The following SLC1A3 variants were observed in gnomAD, a reference collection of about 807,000 sequenced individuals.
The protein encoded by SLC1A3 is excitatory amino acid transporter 1.
Under a neutral mutation model 48.1 loss-of-function variants are expected in SLC1A3, and 21 were observed. That is an observed-to-expected ratio of 0.44 (90% CI 0.31 to 0.63). The LOEUF is 0.63. Among genes scored for constraint, SLC1A3 ranks in the 20% least tolerant of loss-of-function variants. The probability of loss-of-function intolerance (pLI) is 0.08; values close to 1 mark genes in which losing one functional copy is unlikely to be tolerated. For missense variants in SLC1A3, 546 were observed against 689.0 expected, an observed-to-expected ratio of 0.79 and a Z score of 2.32; for synonymous variants, 239 against 251.4, an observed-to-expected ratio of 0.95 and a Z score of 0.47.
chr5:36,613,064 C>G (rs2111680003), intron 2 of SLC1A3: 2 of 333,710 alleles, frequency 6.0e-6, no homozygotes, highest in African/African-American at 2.2e-5. Context: ...AGGTAGGATA[C>G]AGGAGAAAGA....
chr5:36,634,077 AC>A (rs1448619271), intron 3 of SLC1A3, among the ~76,000 whole-genome samples: 1 of 152,114 alleles, frequency 6.6e-6, no homozygotes, highest in Non-Finnish European at 1.5e-5. Flanking sequence ...CATGTTCGAG[AC>A]CAGCCTGGCC....
In SLC1A3 at chr5:36,622,307, T is replaced by G. The variant is rs189659197; in HGVS notation, c.182-7143T>G. Among the ~76,000 whole-genome samples, 14 of 152,340 alleles carry G rather than the reference T, an allele frequency of 9.2e-5. No individual in the cohort carries two copies. The East Asian group carries it at 2.7e-3, about 29-fold the overall frequency. On this transcript the variant is annotated intron_variant, in intron 2 of 9. Transcript: ENST00000265113. ...GATTTCCTTTTGACATCTGAGCTCC[T>G]TTGGGGCACTACCTCGTTTTCTGGA...
chr5:36,623,736 T>C (rs558915409), intron 2 of SLC1A3, among the ~76,000 whole-genome samples: 1 of 150,758 alleles, frequency 6.6e-6, no homozygotes, highest in South Asian at 2.1e-4. Flanking sequence ...TGGTGGCGCA[T>C]GCCTGTAATC....
intron 2 of SLC1A3, among the ~76,000 whole-genome samples, chr5:36,614,188 A>T (rs918238337): frequency 1.3e-5 from 2 of 152,246 alleles, no homozygotes; most frequent in Admixed American, 1.3e-4. Flanking sequence ...ATATCACCTT[A>T]AATGATTTCC....
chr5:36,685,995 C>T, intron 9 of SLC1A3, 70 bp from the exon 10 acceptor site: 1 of 1,279,158 alleles, frequency 7.8e-7, no homozygotes. Context: ...TGGCCAGTTC[C>T]TAACGTAAGT....
intron 3 of SLC1A3, among the ~76,000 whole-genome samples, chr5:36,642,780 TTA>T (rs1482851174): frequency 6.6e-6 from 1 of 152,206 alleles, no homozygotes; most frequent in Admixed American, 6.5e-5. Context: ...GATCTACCTA[TTA>T]TGAACATGTC....
intron 6 of SLC1A3, among the ~76,000 whole-genome samples, chr5:36,677,711 G>T (rs1742270790): frequency 6.6e-6 from 1 of 152,204 alleles, no homozygotes; most frequent in Non-Finnish European, 1.5e-5. Context: ...GTGCAGAAAG[G>T]CCTCTGAGGA....
intron 3 of SLC1A3, among the ~76,000 whole-genome samples, chr5:36,642,981 C>T (rs1740680226): frequency 6.6e-6 from 1 of 152,068 alleles, no homozygotes; most frequent in South Asian, 2.1e-4. Flanking sequence ...TGGAATACTA[C>T]CCATTCATAT....
chr5:36,654,230 AAC>A (rs1741201595), intron 3 of SLC1A3, among the ~76,000 whole-genome samples: 1 of 152,186 alleles, frequency 6.6e-6, no homozygotes, highest in African/African-American at 2.4e-5. Context: ...GCTGTTAGGA[AAC>A]ACAGTGAAAA....
intron 3 of SLC1A3, among the ~76,000 whole-genome samples, chr5:36,654,599 T>C (rs1410971326): frequency 6.6e-6 from 1 of 152,160 alleles, no homozygotes; most frequent in Non-Finnish European, 1.5e-5. Context: ...TAGCAAGCCT[T>C]GTATAGCTCT....
At chr5:36,626,027 C>T (rs1396031295) in intron 2 of SLC1A3, among the ~76,000 whole-genome samples, 2 of 152,188 alleles carry the variant, frequency 1.3e-5, no homozygotes, top group Non-Finnish European at 2.9e-5. Flanking sequence ...CTGTGTCATT[C>T]ACACATTACC....
chr5:36,597,122 G>T (rs1418020453), intron 1 of SLC1A3, among the ~76,000 whole-genome samples: 1 of 149,684 alleles, frequency 6.7e-6, no homozygotes, highest in Non-Finnish European at 1.5e-5. Flanking sequence ...TGTGGTTGGT[G>T]TTACTGCTCG....
intron 3 of SLC1A3, among the ~76,000 whole-genome samples, chr5:36,646,289 T>A (rs1325610319): frequency 6.6e-6 from 1 of 152,242 alleles, no homozygotes; most frequent in Non-Finnish European, 1.5e-5. Flanking sequence ...TGGACAAGTT[T>A]AGATAACAAG....
chr5:36,662,256 G>A (rs10941311), intron 3 of SLC1A3, among the ~76,000 whole-genome samples: 32,592 of 152,126 alleles, frequency 0.21, 4,325 homozygotes, highest in Non-Finnish European at 0.3. Flanking sequence ...ACGTGATAGA[G>A]GTTTCTTTCC....
At chr5:36,641,100 T>A (rs1296140599) in intron 3 of SLC1A3, among the ~76,000 whole-genome samples, 1 of 152,170 alleles carries the variant, frequency 6.6e-6, no homozygotes, top group African/African-American at 2.4e-5. Context: ...CAGTGCTTTA[T>A]ATTAATTACC....
chr5:36,622,969 A>G (rs979763152), intron 2 of SLC1A3, among the ~76,000 whole-genome samples: 1 of 146,704 alleles, frequency 6.8e-6, no homozygotes, highest in Non-Finnish European at 1.5e-5. Flanking sequence ...CCGAGATCGC[A>G]CCACTGCACT....
chr5:36,649,628 T>A (rs2111840883), intron 3 of SLC1A3, among the ~76,000 whole-genome samples: 1 of 152,330 alleles, frequency 6.6e-6, no homozygotes, highest in African/African-American at 2.4e-5. Context: ...CTGACTGTGT[T>A]GAAATAATGA....
At chr5:36,684,860 C>A (rs1197160525) in intron 9 of SLC1A3, among the ~76,000 whole-genome samples, 1 of 152,176 alleles carries the variant, frequency 6.6e-6, no homozygotes. Flanking sequence ...GTTTCTACCT[C>A]TGTAAAATGA....
At chr5:36,632,392 C>T (rs1331610470) in intron 3 of SLC1A3, among the ~76,000 whole-genome samples, 1 of 152,196 alleles carries the variant, frequency 6.6e-6, no homozygotes, top group Non-Finnish European at 1.5e-5. Context: ...TGTCAGAATC[C>T]AATCATTGGC....
Sources: gnomAD v4.1 joint callset for allele counts (sites outside exome capture counted in the v4.1 genomes callset) on GRCh38, gnomAD v4.1.1 for gene constraint, MANE v1.5 for transcripts, NCBI Gene and HGNC (gene_info 2026-07-23, HGNC 2026-07-21) for gene names.